FOXN2: variants seen among roughly 807,000 people sequenced by gnomAD.
FOXN2 encodes the protein forkhead box protein N2.
In FOXN2, 19 loss-of-function variants were observed where a neutral mutation model predicts 41.2. The ratio of observed to expected loss-of-function variants is 0.46; its 90% CI spans 0.32 to 0.68. The LOEUF (loss-of-function observed/expected upper bound fraction) is 0.68, where lower values mean the gene tolerates loss of function less well. Ranked by LOEUF, FOXN2 falls within the 30% of genes least tolerant of loss-of-function variation. The probability of loss-of-function intolerance (pLI) is 0.03; values close to 1 mark genes in which losing one functional copy is unlikely to be tolerated. For missense variants in FOXN2, 587 were observed against 509.4 expected, an observed-to-expected ratio of 1.15 and a Z score of -1.47; for synonymous variants, 195 against 176.8, an observed-to-expected ratio of 1.10 and a Z score of -0.82.
upstream of FOXN2, chr2:48,314,490 C>G (rs1356488915): frequency 6.6e-6 from 1 of 152,564 alleles, no homozygotes; most frequent in African/African-American, 2.4e-5. Flanking sequence ...GGAACCCAGG[C>G]CCCTCCCTTC....
At chr2:48,333,326 A>G (rs1201465239) in intron 2 of FOXN2, among the ~76,000 whole-genome samples, 2 of 152,110 alleles carry the variant, frequency 1.3e-5, no homozygotes, top group Non-Finnish European at 2.9e-5. Flanking sequence ...ATAGTCCAAT[A>G]TAGCTAATAC....
At chr2:48,322,293 CT>C (rs1031578457) in intron 1 of FOXN2, among the ~76,000 whole-genome samples, 21 of 148,994 alleles carry the variant, frequency 1.4e-4, no homozygotes, top group East Asian at 3.9e-4. Flanking sequence ...TTCCTAAATT[CT>C]TTTTTTTTTA....
intron 1 of FOXN2, among the ~76,000 whole-genome samples, chr2:48,325,461 A>G (rs1572699574): frequency 1.3e-5 from 2 of 152,344 alleles, no homozygotes; most frequent in South Asian, 2.1e-4. Flanking sequence ...TATATGGAAT[A>G]TAATGTGAGT....
At chr2:48,347,950 C>G (rs1671222025) in intron 3 of FOXN2, among the ~76,000 whole-genome samples, 3 of 151,946 alleles carry the variant, frequency 2.0e-5, no homozygotes, top group East Asian at 1.9e-4. Flanking sequence ...TATGTAATGT[C>G]TCTTTTTTTA....
intron 3 of FOXN2, among the ~76,000 whole-genome samples, chr2:48,347,464 A>G (rs1015966884): frequency 8.6e-5 from 13 of 151,660 alleles, no homozygotes; most frequent in Admixed American, 2.0e-4. Flanking sequence ...CCTGACCTCA[A>G]GTACCACCCA....
At chr2:48,347,072 A>G (rs1331979263) in intron 3 of FOXN2, among the ~76,000 whole-genome samples, 4 of 152,090 alleles carry the variant, frequency 2.6e-5, no homozygotes, top group East Asian at 1.9e-4. Flanking sequence ...TCTCTGCCTT[A>G]TAATCAAAGT....
chr2:48,364,344 T>C (rs1672390077), intron 5 of FOXN2, among the ~76,000 whole-genome samples: 1 of 152,064 alleles, frequency 6.6e-6, no homozygotes, highest in Non-Finnish European at 1.5e-5. Context: ...CTTCCCACCT[T>C]AGCCTCCCAA....
At chr2:48,342,976 A>G (rs1558623479) in intron 2 of FOXN2, among the ~76,000 whole-genome samples, 1 of 152,234 alleles carries the variant, frequency 6.6e-6, no homozygotes, top group Non-Finnish European at 1.5e-5. Flanking sequence ...GAGGAATAAC[A>G]TACTTGCAAC....
rs1673143987 is a variant in FOXN2, at chr2:48,374,984, T to C, written c.837T>C (p.His279=). 6 of 1,613,778 alleles carry C rather than the reference T, an allele frequency of 3.7e-6. No homozygotes were observed. Among genetic ancestry groups the C allele is most frequent in the Non-Finnish European group, 5.1e-6 (6 of 1,179,832 alleles). ...QKKRSYGNAF[H]HPSAVRLQES... ...AGAGGAGTTACGGCAATGCATTTCATCATCCCAGTGCTGTACGATTACAAG... is the reference window on the plus strand; with the variant it reads ...AGAGGAGTTACGGCAATGCATTTCACCATCCCAGTGCTGTACGATTACAAG... The change falls in exon 7 of 7, where the codon CAT becomes CAC. Residue 279 remains histidine, a synonymous_variant. Transcript: ENST00000340553.
intron 3 of FOXN2, among the ~76,000 whole-genome samples, chr2:48,349,167 C>G (rs1354871102): frequency 6.6e-6 from 1 of 152,176 alleles, no homozygotes; most frequent in African/African-American, 2.4e-5. Flanking sequence ...GAGACTCTGT[C>G]TCACAAAACA....
upstream of FOXN2, among the ~76,000 whole-genome samples, chr2:48,314,226 G>A (rs951726165): frequency 7.9e-5 from 12 of 152,254 alleles, no homozygotes; most frequent in Non-Finnish European, 1.5e-4. Flanking sequence ...ACCGAGGGCC[G>A]TACTGCCCTG....
At position 48,377,037 on chromosome 2, in the gene FOXN2, T is replaced by C. The variant is rs572559252; in HGVS notation, c.*1594T>C. The C allele has an allele frequency of 6.6e-6, 1 of 151,888 alleles. No individual in the cohort carries two copies. Among genetic ancestry groups the C allele is most frequent in the African/African-American group, 2.4e-5 (1 of 41,412 alleles). 9.4% of individuals were successfully genotyped at this position (151,888 alleles called of 1,614,324 possible). ...AAATGAGAAAAATGATTTTAAAAAC[T>C]TTTTTTTCAATTGACAAGACTTTAA... On this transcript the variant is annotated 3_prime_UTR_variant, in exon 7 of 7. Coordinates refer to ENST00000340553, the MANE Select transcript of FOXN2 (RefSeq NM_002158.4).
intron 5 of FOXN2, among the ~76,000 whole-genome samples, chr2:48,363,836 C>G (rs1672355708): frequency 6.6e-6 from 1 of 152,226 alleles, no homozygotes; most frequent in Admixed American, 6.5e-5. Flanking sequence ...TTTAAGCACA[C>G]TCTATGATGT....
intron 1 of FOXN2, among the ~76,000 whole-genome samples, chr2:48,328,314 C>T (rs1023077669): frequency 2.6e-5 from 4 of 152,098 alleles, no homozygotes; most frequent in Non-Finnish European, 5.9e-5. Context: ...CTGAAGATAC[C>T]AAAATCCACA....
At chr2:48,325,100 T>TTTTG (rs903677280) in intron 1 of FOXN2, among the ~76,000 whole-genome samples, 1 of 152,166 alleles carries the variant, frequency 6.6e-6, no homozygotes. Context: ...AGTTATTGAT[T>TTTTG]TTTGTTTGTT....
rs1188156255 is a variant in FOXN2 at position 48,376,614 on chromosome 2, A to T, written c.*1171A>T. The T allele has an allele frequency of 6.6e-6, 1 of 152,546 alleles. No individual in the cohort carries two copies. The highest frequency in any genetic ancestry group is 6.6e-5 in the Admixed American group (1 of 15,264). The allele number at this position is 152,546 out of a possible 1,614,324, so 9.4% of individuals were successfully genotyped here. ...TAACAACCTATAGTGCCATTGATCC[A>T]TGAGAAAAAGATTTTCTGGTACTAC... On this transcript the variant is annotated 3_prime_UTR_variant, in exon 7 of 7. Coordinates refer to ENST00000340553, the MANE Select transcript of FOXN2 (RefSeq NM_002158.4).
rs745628741 is a variant in FOXN2, at chr2:48,346,793, G to T, written c.537+42G>T. 201 of 1,481,688 alleles carry T rather than the reference G, an allele frequency of 1.4e-4. No individual in the cohort carries two copies. In the Admixed American group the frequency reaches 4.4e-3, roughly 33 times the overall value. The allele number at this position is 1,481,688 out of a possible 1,614,324, so 91.8% of individuals were successfully genotyped here. On this transcript the variant is annotated intron_variant, in intron 3 of 6. Coordinates refer to ENST00000340553, the MANE Select transcript of FOXN2 (RefSeq NM_002158.4). ...ATTGCTATATTTGGTGAGGTGGGGG[G>T]ACTAATTAACATGGAGCCCTTAAAA...
chr2:48,334,093 T>A (rs1670188023), intron 2 of FOXN2, among the ~76,000 whole-genome samples: 1 of 152,174 alleles, frequency 6.6e-6, no homozygotes, highest in Admixed American at 6.5e-5. Context: ...CCTTTCAGTA[T>A]GGAGCAGTGC....
At chr2:48,326,120 G>A (rs561966279) in intron 1 of FOXN2, among the ~76,000 whole-genome samples, 5 of 152,252 alleles carry the variant, frequency 3.3e-5, no homozygotes, top group African/African-American at 1.2e-4. Flanking sequence ...AGATTGCTGG[G>A]ATTACAGACA....
Sources: gnomAD v4.1 joint callset for allele counts (sites outside exome capture counted in the v4.1 genomes callset) on GRCh38, gnomAD v4.1.1 for gene constraint, MANE v1.5 for transcripts, NCBI Gene and HGNC (gene_info 2026-07-23, HGNC 2026-07-21) for gene names.